The following NAV2 variants were observed in gnomAD, a reference collection of about 807,000 sequenced individuals.
NAV2 encodes the protein helicase, APC down-regulated 1.
In NAV2, 54 loss-of-function variants were observed where a neutral mutation model predicts 223.2. The observed-to-expected ratio is 0.24, with a 90% CI of 0.19 to 0.30. NAV2 has a LOEUF of 0.30. Ranked by LOEUF, NAV2 falls within the 10% of genes least tolerant of loss-of-function variation. NAV2 has a pLI of 1.00. For synonymous variants in NAV2, 1,279 were observed against 1,239.3 expected, an observed-to-expected ratio of 1.03 and a Z score of -0.67; for missense variants, 2,806 against 3,147.5, an observed-to-expected ratio of 0.89 and a Z score of 2.60.
intron 1 of NAV2, among the ~76,000 whole-genome samples, chr11:19,474,503 CAAAA>C (rs918993308): frequency 6.6e-6 from 1 of 152,092 alleles, no homozygotes; most frequent in Non-Finnish European, 1.5e-5. Context: ...AAACAGGAAA[CAAAA>C]GAAGGCTACT....
chr11:19,813,772 G>C (rs2058956960), intron 1 of NAV2, among the ~76,000 whole-genome samples: 6 of 152,208 alleles, frequency 3.9e-5, no homozygotes, highest in Admixed American at 3.3e-4. Flanking sequence ...CGCTGCTGCT[G>C]TGGGTTGAGC....
chr11:19,870,727 A>T (rs1206740355), intron 4 of NAV2, among the ~76,000 whole-genome samples: 1 of 152,224 alleles, frequency 6.6e-6, no homozygotes, highest in Non-Finnish European at 1.5e-5. Flanking sequence ...AGTTTATAAC[A>T]GCCTCAGTTT....
chr11:19,789,792 G>A (rs1222749301), intron 1 of NAV2, among the ~76,000 whole-genome samples: 3 of 152,180 alleles, frequency 2.0e-5, no homozygotes, highest in African/African-American at 7.2e-5. Context: ...TTGAATTAGT[G>A]CTGGGGCTTC....
intron 1 of NAV2, among the ~76,000 whole-genome samples, chr11:19,462,165 A>G (rs1028598687): frequency 4.6e-5 from 7 of 152,262 alleles, no homozygotes; most frequent in African/African-American, 1.7e-4. Context: ...CACTGGCTTA[A>G]CTGAGTGGTT....
Position 19,695,511 on chromosome 11 carries a change from C to T in NAV2, c.76-136973C>T, listed in dbSNP as rs2049303686. Among the ~76,000 whole-genome samples, 3 of 152,012 alleles carry T rather than the reference C, an allele frequency of 2.0e-5. No individual in the cohort carries two copies. In the South Asian group the frequency reaches 6.2e-4, roughly 32 times the overall value. On this transcript the variant is annotated intron_variant, in intron 1 of 37. Coordinates refer to the NAV2 transcript ENST00000360655. ...ATGCATTTTAATACAGCCTAGCTGT[C>T]CTGGGATTGATTGGCTGCAGGGTGC...
chr11:20,042,682 A>G (rs1478558368), intron 12 of NAV2, among the ~76,000 whole-genome samples: 3 of 152,038 alleles, frequency 2.0e-5, no homozygotes, highest in Non-Finnish European at 4.4e-5. Context: ...CCACTCTTGG[A>G]TGACAGGCGT....
At chr11:19,494,103 C>T (rs2042718819) in intron 1 of NAV2, among the ~76,000 whole-genome samples, 1 of 152,182 alleles carries the variant, frequency 6.6e-6, no homozygotes, top group African/African-American at 2.4e-5. Flanking sequence ...AAGTGACTGA[C>T]CCAGGTGCTG....
chr11:19,814,356 G>A (rs2058983799), intron 1 of NAV2, among the ~76,000 whole-genome samples: 1 of 152,148 alleles, frequency 6.6e-6, no homozygotes, highest in South Asian at 2.1e-4. Context: ...GAGACCCATG[G>A]ATGTCCCGGG....
At chr11:19,844,059 T>C (rs995716339) in intron 3 of NAV2, among the ~76,000 whole-genome samples, 2 of 152,250 alleles carry the variant, frequency 1.3e-5, no homozygotes, top group Admixed American at 1.3e-4. Context: ...GAAGGTTTTC[T>C]TTCTTTTTGA....
At chr11:19,709,232 G>A (rs981273342), upstream of NAV2, among the ~76,000 whole-genome samples, 29 of 152,114 alleles carry the variant, frequency 1.9e-4, no homozygotes, top group African/African-American at 6.7e-4. Flanking sequence ...AAAAATGAAC[G>A]TTTATAGAAA....
intron 1 of NAV2, among the ~76,000 whole-genome samples, chr11:19,362,155 C>A (rs1853990017): frequency 1.3e-5 from 2 of 152,110 alleles, no homozygotes; most frequent in Non-Finnish European, 2.9e-5. Context: ...TACTATTGTT[C>A]CCACTTTACA....
rs1466028780 is a variant in NAV2 at position 20,103,176 on chromosome 11, A to G, written c.6418-79A>G. ...CTTTCTGCCTCCACTGGCCTGGGTG[A>G]GGCAAAGGCCCTGAGCGGTGTGTCT... On this transcript the variant is annotated intron_variant, in intron 32 of 37. Coordinates refer to ENST00000349880, the MANE Select transcript of NAV2 (RefSeq NM_145117.5). 43 of 1,403,240 alleles carry G rather than the reference A, an allele frequency of 3.1e-5. No homozygotes were observed. The East Asian group carries it at 7.9e-4, about 26-fold the overall frequency. The allele number at this position is 1,403,240 out of a possible 1,614,324, so 86.9% of individuals were successfully genotyped here.
intron 1 of NAV2, among the ~76,000 whole-genome samples, chr11:19,635,352 C>T (rs538138019): frequency 8.5e-5 from 13 of 152,168 alleles, no homozygotes; most frequent in South Asian, 6.2e-4. Flanking sequence ...GCAGTGTGGA[C>T]GACAGATTAT....
chr11:19,737,089 C>T (rs2052389028), intron 1 of NAV2, among the ~76,000 whole-genome samples: 1 of 152,194 alleles, frequency 6.6e-6, no homozygotes, highest in East Asian at 1.9e-4. Flanking sequence ...TGGGGTAATT[C>T]CTGAAGATCC....
At chr11:19,991,792 C>T (rs182503755) in intron 11 of NAV2, among the ~76,000 whole-genome samples, 1 of 152,148 alleles carries the variant, frequency 6.6e-6, no homozygotes, top group African/African-American at 2.4e-5. Context: ...TTCCCTCCTT[C>T]CTTCATGACT....
chr11:19,367,780 C>T (rs749287666), intron 1 of NAV2, among the ~76,000 whole-genome samples: 33 of 152,194 alleles, frequency 2.2e-4, no homozygotes, highest in Admixed American at 5.2e-4. Flanking sequence ...ACAGCTCTTG[C>T]AGCTTTCTTA....
At chr11:19,931,174 C>G (rs572136397) in intron 6 of NAV2, among the ~76,000 whole-genome samples, 1 of 152,114 alleles carries the variant, frequency 6.6e-6, no homozygotes, top group Non-Finnish European at 1.5e-5. Flanking sequence ...CCAAGCAGGC[C>G]GCTGATGGGC....
chr11:19,634,620 G>A (rs1026481229), intron 1 of NAV2, among the ~76,000 whole-genome samples: 3 of 152,162 alleles, frequency 2.0e-5, no homozygotes, highest in Non-Finnish European at 4.4e-5. Context: ...ACTCTTGGAA[G>A]GGACACATAT....
At chr11:19,595,894 T>C (rs1185742447) in intron 1 of NAV2, among the ~76,000 whole-genome samples, 3 of 152,180 alleles carry the variant, frequency 2.0e-5, no homozygotes, top group Non-Finnish European at 4.4e-5. Flanking sequence ...GTTTTGACCA[T>C]AATTCTCAGT....
Sources: gnomAD v4.1 joint callset for allele counts (sites outside exome capture counted in the v4.1 genomes callset) on GRCh38, gnomAD v4.1.1 for gene constraint, MANE v1.5 for transcripts, NCBI Gene and HGNC (gene_info 2026-07-23, HGNC 2026-07-21) for gene names.